The following LARGE1 variants were observed in gnomAD, a reference collection of about 807,000 sequenced individuals.
LARGE1 encodes xylosyl- and glucuronyltransferase LARGE1.
LARGE1 carries 43 observed loss-of-function variants against 87.6 expected under a neutral mutation model. The observed-to-expected ratio is 0.49, with a 90% confidence interval of 0.38 to 0.63. The LOEUF (loss-of-function observed/expected upper bound fraction) is 0.63, where lower values mean the gene tolerates loss of function less well. LARGE1 is among the 30% of genes least tolerant of loss of function. The pLI, the probability that LARGE1 is intolerant of heterozygous loss-of-function variation, is 0.00. For synonymous variants in LARGE1, 434 were observed against 394.6 expected (o/e 1.10, Z -1.18); for missense variants, 802 against 1,000.2 (o/e 0.80, Z 2.67).
At chr22:33,622,770 G>A (rs2079796416) in intron 4 of LARGE1, among the ~76,000 whole-genome samples, 1 of 152,228 alleles carries the variant, frequency 6.6e-6, no homozygotes, top group African/African-American at 2.4e-5. Context: ...CACTGGAGTA[G>A]ACAGGGGCTC....
chr22:33,325,251 C>T (rs1374603577), intron 10 of LARGE1, among the ~76,000 whole-genome samples: 1 of 152,218 alleles, frequency 6.6e-6, no homozygotes, highest in Non-Finnish European at 1.5e-5. Context: ...TCACCAATAT[C>T]CATATTTTGC....
At chr22:33,849,381 G>A (rs566287261) in intron 1 of LARGE1, among the ~76,000 whole-genome samples, 2 of 152,080 alleles carry the variant, frequency 1.3e-5, no homozygotes, top group South Asian at 4.2e-4. Context: ...AACTTCAACA[G>A]TATCCATGTA....
chr22:33,629,729 T>G (rs962672187), intron 3 of LARGE1, among the ~76,000 whole-genome samples: 4 of 152,198 alleles, frequency 2.6e-5, no homozygotes, highest in Admixed American at 6.5e-5. Flanking sequence ...AGTTCAGTTT[T>G]TAAGTTTCTT....
intron 1 of LARGE1, among the ~76,000 whole-genome samples, chr22:33,905,336 T>C (rs1266717044): frequency 6.6e-6 from 1 of 152,086 alleles, no homozygotes; most frequent in Admixed American, 6.6e-5. Flanking sequence ...CTCAGTGTGC[T>C]GAGATAATAG....
intron 9 of LARGE1, among the ~76,000 whole-genome samples, chr22:33,361,538 T>A (rs1479102711): frequency 1.3e-5 from 2 of 149,482 alleles, no homozygotes; most frequent in African/African-American, 4.9e-5. Context: ...GAGCAGCAGT[T>A]TTCACAGGAC....
At chr22:33,113,731 C>G in the LARGE1 span, among the ~76,000 whole-genome samples, 1 of 152,214 alleles carries the variant, frequency 6.6e-6, no homozygotes, top group Non-Finnish European at 1.5e-5. Context: ...TTCAAATTCT[C>G]TCTCCCAGTA....
intron 1 of LARGE1, among the ~76,000 whole-genome samples, chr22:33,906,579 C>G (rs924623938): frequency 6.6e-6 from 1 of 152,182 alleles, no homozygotes; most frequent in East Asian, 1.9e-4. Context: ...CCTTTTCTTA[C>G]AAACTGCTAA....
Position 33,287,820 on chromosome 22 carries a change from T to C in LARGE1, c.1731-4472A>G, listed in dbSNP as rs889116402. On this transcript the variant is annotated intron_variant, in intron 12 of 14. Transcript: ENST00000397394. The stretch of plus-strand genomic sequence containing the variant: ...CCTGAGAAGCTGAGTGACTTTGGGT[T>C]ACTCTATTACTCTTTAGATTGCTAA... 5.3e-5 allele frequency among the ~76,000 whole-genome samples: 8 copies of C among 152,248 alleles called. No homozygotes were observed. In the East Asian group the frequency reaches 1.5e-3, roughly 29 times the overall value.
At chr22:33,365,937 T>A (rs1009652117) in intron 9 of LARGE1, among the ~76,000 whole-genome samples, 6 of 152,230 alleles carry the variant, frequency 3.9e-5, no homozygotes, top group Non-Finnish European at 7.3e-5. Flanking sequence ...TTTTAATGCC[T>A]GTTTGATTGA....
At chr22:33,806,397 CT>C (rs1321309092) in intron 1 of LARGE1, among the ~76,000 whole-genome samples, 2 of 152,182 alleles carry the variant, frequency 1.3e-5, no homozygotes, top group Non-Finnish European at 2.9e-5. Context: ...AGCCTAGAGT[CT>C]CACCAATAAG....
At chr22:33,198,635 TGACA>T (rs1924205012) in intron 11 of LARGE1, among the ~76,000 whole-genome samples, 1 of 95,030 alleles carries the variant, frequency 1.1e-5, no homozygotes, top group Non-Finnish European at 2.1e-5. Flanking sequence ...ATATACACCG[TGACA>T]CACACACACA....
intron 2 of LARGE1, among the ~76,000 whole-genome samples, chr22:33,677,232 T>C (rs1367973177): frequency 2.8e-5 from 4 of 144,284 alleles, no homozygotes; most frequent in Non-Finnish European, 6.0e-5. Context: ...GATAATAAAA[T>C]GATTCTCAAG....
intron 1 of LARGE1, among the ~76,000 whole-genome samples, chr22:33,767,948 T>G (rs956093867): frequency 6.6e-5 from 10 of 152,252 alleles, no homozygotes; most frequent in African/African-American, 1.9e-4. Flanking sequence ...TCAGTGAACC[T>G]TTCTTACAAG....
intron 1 of LARGE1, among the ~76,000 whole-genome samples, chr22:33,826,342 AC>A (rs1466986859): frequency 1.7e-5 from 2 of 119,278 alleles, no homozygotes; most frequent in Non-Finnish European, 3.4e-5. Flanking sequence ...CCCTTTGCAT[AC>A]CTTTTTTTTT....
At chr22:33,369,361 C>A (rs2064719851) in intron 9 of LARGE1, among the ~76,000 whole-genome samples, 1 of 152,158 alleles carries the variant, frequency 6.6e-6, no homozygotes, top group Admixed American at 6.5e-5. Context: ...TTCAGAGACT[C>A]CAGCTAATTA....
chr22:33,766,229 GC>G (rs1433837927), intron 1 of LARGE1, among the ~76,000 whole-genome samples: 1 of 152,028 alleles, frequency 6.6e-6, no homozygotes, highest in Non-Finnish European at 1.5e-5. Flanking sequence ...TGTGAGGGAG[GC>G]CTCCCCACCT....
chr22:33,793,128 G>C (rs573497495), intron 1 of LARGE1, among the ~76,000 whole-genome samples: 1 of 152,196 alleles, frequency 6.6e-6, no homozygotes, highest in African/African-American at 2.4e-5. Flanking sequence ...CATCGCACAG[G>C]ATAAGTGTTC....
intron 12 of LARGE1, among the ~76,000 whole-genome samples, chr22:33,302,521 A>AG (rs1301879879): frequency 6.6e-6 from 1 of 152,200 alleles, no homozygotes; most frequent in African/African-American, 2.4e-5. Flanking sequence ...ACCTTGCTCC[A>AG]GACAGCGCAG....
At chr22:33,675,987 T>TAAAAAAAAA (rs2081565436) in intron 2 of LARGE1, among the ~76,000 whole-genome samples, 1 of 145,782 alleles carries the variant, frequency 6.9e-6, no homozygotes, top group South Asian at 2.2e-4. Flanking sequence ...ATACCTCTTA[T>TAAAAAAAAA]AAAGCCTGGA....
Sources: gnomAD v4.1 joint callset for allele counts (sites outside exome capture counted in the v4.1 genomes callset) on GRCh38, gnomAD v4.1.1 for gene constraint, MANE v1.5 for transcripts, NCBI Gene and HGNC (gene_info 2026-07-23, HGNC 2026-07-21) for gene names.